The following LSAMP variants were observed in gnomAD, a reference collection of about 807,000 sequenced individuals.
LSAMP encodes the protein limbic system associated membrane protein.
LSAMP carries 7 observed loss-of-function variants against 38.6 expected under a neutral mutation model. That is an observed-to-expected ratio of 0.18 (90% CI 0.10 to 0.34). The LOEUF (loss-of-function observed/expected upper bound fraction) is 0.34. Ranked by LOEUF, LSAMP falls within the 10% of genes least tolerant of loss-of-function variation. LSAMP has a pLI of 1.00. For missense variants in LSAMP, 313 were observed against 420.0 expected (o/e 0.75, Z 2.23); for synonymous variants, 154 against 166.8 (o/e 0.92, Z 0.59).
chr3:116,186,533 C>T (rs1490254589), intron 1 of LSAMP, among the ~76,000 whole-genome samples: 1 of 152,114 alleles, frequency 6.6e-6, no homozygotes, highest in Admixed American at 6.5e-5. Context: ...TTTACCTAAT[C>T]AAGATAAGGA....
At chr3:116,316,932 A>G (rs2047637226) in intron 1 of LSAMP, among the ~76,000 whole-genome samples, 1 of 152,152 alleles carries the variant, frequency 6.6e-6, no homozygotes, top group African/African-American at 2.4e-5. Flanking sequence ...GATGTTTTGG[A>G]TGATTTTCAA....
At chr3:116,024,481 A>G (rs756776853) in intron 2 of LSAMP, among the ~76,000 whole-genome samples, 1 of 152,176 alleles carries the variant, frequency 6.6e-6, no homozygotes, top group Non-Finnish European at 1.5e-5. Flanking sequence ...AATATTAACC[A>G]TGAGGCAGAG....
chr3:116,064,223 C>G (rs1277398545), intron 2 of LSAMP, among the ~76,000 whole-genome samples: 1 of 152,102 alleles, frequency 6.6e-6, no homozygotes, highest in Non-Finnish European at 1.5e-5. Context: ...CGTTTTTCTT[C>G]TCTATGGAAA....
chr3:116,260,967 T>C (rs1328718122), intron 1 of LSAMP, among the ~76,000 whole-genome samples: 2 of 152,228 alleles, frequency 1.3e-5, no homozygotes, highest in Non-Finnish European at 2.9e-5. Context: ...TCTGGGCATG[T>C]AAAACAGTTT....
At chr3:115,840,293 C>T (rs1423209442) in intron 6 of LSAMP, among the ~76,000 whole-genome samples, 3 of 152,100 alleles carry the variant, frequency 2.0e-5, no homozygotes, top group Non-Finnish European at 2.9e-5. Context: ...TTCTGCTTAA[C>T]CAGGTCAACT....
intron 1 of LSAMP, among the ~76,000 whole-genome samples, chr3:116,142,904 G>A (rs1056531913): frequency 6.6e-6 from 1 of 151,654 alleles, no homozygotes; most frequent in Non-Finnish European, 1.5e-5. Flanking sequence ...TTGTGTCCTC[G>A]TTCATATCCT....
intron 3 of LSAMP, among the ~76,000 whole-genome samples, chr3:115,889,430 T>C (rs151296649): frequency 7.6e-4 from 116 of 151,990 alleles, no homozygotes; most frequent in African/African-American, 2.6e-3. Flanking sequence ...ATTGGGGTTA[T>C]ATTTAGGTAA....
chr3:116,253,988 C>T (rs1222363383), intron 1 of LSAMP, among the ~76,000 whole-genome samples: 1 of 152,186 alleles, frequency 6.6e-6, no homozygotes, highest in Non-Finnish European at 1.5e-5. Flanking sequence ...CCCTGCAGTT[C>T]CATGATGGTC....
At chr3:116,145,835 G>A (rs988455337) in intron 1 of LSAMP, among the ~76,000 whole-genome samples, 1 of 151,748 alleles carries the variant, frequency 6.6e-6, no homozygotes, top group Non-Finnish European at 1.5e-5. Flanking sequence ...ACTTTCAGCT[G>A]TGTCTAATCT....
intron 1 of LSAMP, among the ~76,000 whole-genome samples, chr3:116,102,353 A>T (rs1431682811): frequency 3.3e-5 from 5 of 152,224 alleles, no homozygotes; most frequent in Non-Finnish European, 7.3e-5. Context: ...TGAATCTGCA[A>T]TCTGAATTAA....
At chr3:115,983,777 T>C (rs1445112384) in intron 3 of LSAMP, among the ~76,000 whole-genome samples, 1 of 152,136 alleles carries the variant, frequency 6.6e-6, no homozygotes, top group African/African-American at 2.4e-5. Context: ...TAACACGATA[T>C]GGCTCCTTAC....
rs1046208 is a variant in LSAMP at position 115,809,416 on chromosome 3, G to A, written c.*901C>T. 60,135 of 153,282 alleles carry A rather than the reference G, an allele frequency of 0.39. 12,043 individuals carry two copies. Among genetic ancestry groups the A allele is most frequent in the Middle Eastern group, 0.51 (152 of 300 alleles). The allele number at this position is 153,282 out of a possible 1,614,324, so 9.5% of individuals were successfully genotyped here. A position where few individuals can be genotyped will look rare whatever the true frequency, so the allele number is the denominator to read the frequency against. ...GACTCTGCTCCTTGCCTCTTTCCCC[G>A]CCATCTCCCCCAGCAACTTGTTACA... is the stretch of plus-strand genomic sequence containing the variant. On this transcript the variant is annotated 3_prime_UTR_variant, in exon 7 of 7. Transcript: ENST00000490035.
intron 1 of LSAMP, among the ~76,000 whole-genome samples, chr3:116,096,475 T>C (rs1031702185): frequency 5.3e-5 from 8 of 152,216 alleles, no homozygotes; most frequent in African/African-American, 1.9e-4. Context: ...TGGTTAGCAA[T>C]TGGCCTCTTC....
At chr3:115,938,912 C>A (rs1238119444) in intron 3 of LSAMP, among the ~76,000 whole-genome samples, 2 of 152,112 alleles carry the variant, frequency 1.3e-5, no homozygotes, top group Non-Finnish European at 2.9e-5. Context: ...TTTGTTGAAT[C>A]CCTAGCACCA....
intron 1 of LSAMP, among the ~76,000 whole-genome samples, chr3:116,432,868 C>A (rs1447545735): frequency 6.6e-6 from 1 of 151,860 alleles, no homozygotes; most frequent in African/African-American, 2.4e-5. Context: ...CATATTAGTG[C>A]CAAAAGAGAT....
intron 1 of LSAMP, 56 bp downstream of exon 1, chr3:116,444,810 AAACACACACAC>A (rs2049485841): frequency 7.4e-5 from 73 of 987,134 alleles, no homozygotes; most frequent in Non-Finnish European, 9.3e-5. Context: ...ACACACACAC[AAACACACACAC>A]ACACACACAC....
intron 2 of LSAMP, among the ~76,000 whole-genome samples, chr3:116,063,178 C>A (rs1426402896): frequency 6.6e-6 from 1 of 151,964 alleles, no homozygotes; most frequent in African/African-American, 2.4e-5. Flanking sequence ...AATTTGAAGA[C>A]CAAATCTGGA....
chr3:116,316,136 A>C (rs1244665513), intron 1 of LSAMP, among the ~76,000 whole-genome samples: 1 of 152,228 alleles, frequency 6.6e-6, no homozygotes, highest in South Asian at 2.1e-4. Context: ...AGGTGAAAAA[A>C]GTGTATTTGA....
chr3:115,967,252 A>T (rs1050642134), intron 3 of LSAMP, among the ~76,000 whole-genome samples: 6 of 152,136 alleles, frequency 3.9e-5, no homozygotes, highest in Admixed American at 3.3e-4. Context: ...AGTTCCACAA[A>T]TCTCTAGGGC....
Sources: allele counts gnomAD v4.1 joint callset (sites outside exome capture counted in the v4.1 genomes callset), GRCh38; gene constraint gnomAD v4.1.1; transcripts MANE v1.5; gene names NCBI Gene and HGNC (gene_info 2026-07-23, HGNC 2026-07-21).